The following CNTN5 variants were observed in gnomAD, a reference collection of about 807,000 sequenced individuals.
The protein encoded by CNTN5 is contactin 5, also known as contactin-5.
A neutral mutation model predicts 129.1 loss-of-function variants in CNTN5; 77 were observed. The ratio of observed to expected loss-of-function variants is 0.60; its 90% CI spans 0.50 to 0.72. The LOEUF (loss-of-function observed/expected upper bound fraction) is 0.72. CNTN5 is among the 30% of genes least tolerant of loss of function. The pLI, the probability that CNTN5 is intolerant of heterozygous loss-of-function variation, is 0.00. For missense variants in CNTN5, 1,478 were observed against 1,328.8 expected, an observed-to-expected ratio of 1.11 and a Z score of -1.75; for synonymous variants, 509 against 465.6, an observed-to-expected ratio of 1.09 and a Z score of -1.20.
intron 2 of CNTN5, among the ~76,000 whole-genome samples, chr11:99,416,776 G>A (rs575187833): frequency 6.6e-6 from 1 of 152,286 alleles, no homozygotes; most frequent in South Asian, 2.1e-4. Context: ...TTATAGGGTT[G>A]TGCTGGAAGG....
At chr11:99,259,147 G>T (rs1301080646) in intron 1 of CNTN5, among the ~76,000 whole-genome samples, 7 of 151,684 alleles carry the variant, frequency 4.6e-5, no homozygotes, top group Admixed American at 3.3e-4. Flanking sequence ...GTATGCATAA[G>T]GTATCATGTT....
At chr11:99,791,667 T>C (rs566596352) in intron 3 of CNTN5, among the ~76,000 whole-genome samples, 80 of 152,310 alleles carry the variant, frequency 5.3e-4, no homozygotes, top group Non-Finnish European at 8.8e-4. Context: ...TAATTGAAAG[T>C]TTGATACAGA....
chr11:100,039,438 A>T (rs554263079), intron 9 of CNTN5, among the ~76,000 whole-genome samples: 26 of 152,046 alleles, frequency 1.7e-4, no homozygotes, highest in South Asian at 4.2e-4. Flanking sequence ...AATCTGACAA[A>T]TATGTGTCTT....
chr11:99,298,621 G>C, intron 1 of CNTN5, among the ~76,000 whole-genome samples: 1 of 152,076 alleles, frequency 6.6e-6, no homozygotes, highest in Non-Finnish European at 1.5e-5. Flanking sequence ...TACCAAAGTT[G>C]TTATAATATA....
chr11:99,960,485 A>T (rs966087964), intron 8 of CNTN5, among the ~76,000 whole-genome samples: 1 of 152,180 alleles, frequency 6.6e-6, no homozygotes, highest in Admixed American at 6.5e-5. Flanking sequence ...TTAATATATA[A>T]TTATGACTTA....
chr11:99,865,412 A>G (rs1468121693), intron 6 of CNTN5, among the ~76,000 whole-genome samples: 2 of 151,922 alleles, frequency 1.3e-5, no homozygotes, highest in African/African-American at 4.8e-5. Context: ...TATTTTTAAA[A>G]TACTATGAAA....
chr11:99,106,806 G>A (rs1867019280), intron 1 of CNTN5, among the ~76,000 whole-genome samples: 1 of 152,040 alleles, frequency 6.6e-6, no homozygotes, highest in South Asian at 2.1e-4. Context: ...GTAGCACTGA[G>A]ATTGTAACAT....
At chr11:99,801,947 T>A (rs1946127030) in intron 3 of CNTN5, among the ~76,000 whole-genome samples, 1 of 152,202 alleles carries the variant, frequency 6.6e-6, no homozygotes, top group South Asian at 2.1e-4. Context: ...AGCATTCATA[T>A]TTTTTATGGT....
At chr11:99,966,613 A>C (rs565131057) in intron 8 of CNTN5, among the ~76,000 whole-genome samples, 26 of 152,326 alleles carry the variant, frequency 1.7e-4, no homozygotes, top group Admixed American at 7.2e-4. Flanking sequence ...AACTGGTTGC[A>C]CCTACATGAA....
chr11:100,031,919 G>A (rs937970117), intron 9 of CNTN5, among the ~76,000 whole-genome samples: 8 of 151,730 alleles, frequency 5.3e-5, no homozygotes, highest in African/African-American at 1.9e-4. Flanking sequence ...TGCATTGGTG[G>A]CACCACGGGA....
At chr11:99,789,218 C>T (rs1295807754) in intron 3 of CNTN5, among the ~76,000 whole-genome samples, 2 of 151,878 alleles carry the variant, frequency 1.3e-5, no homozygotes, top group African/African-American at 2.4e-5. Flanking sequence ...AATTTGTAGA[C>T]TTCCCATTTT....
chr11:99,257,203 T>C (rs1862413229), intron 1 of CNTN5, among the ~76,000 whole-genome samples: 1 of 152,134 alleles, frequency 6.6e-6, no homozygotes, highest in Non-Finnish European at 1.5e-5. Context: ...AAAACTCTAT[T>C]GTTTGCAGAG....
At chr11:99,594,678 T>G (rs1950073261) in intron 3 of CNTN5, among the ~76,000 whole-genome samples, 1 of 152,154 alleles carries the variant, frequency 6.6e-6, no homozygotes, top group Non-Finnish European at 1.5e-5. Flanking sequence ...AGCATCAGGT[T>G]TGCCCAGCAC....
At chr11:99,516,343 C>A (rs1019852489) in intron 2 of CNTN5, among the ~76,000 whole-genome samples, 13 of 152,028 alleles carry the variant, frequency 8.6e-5, no homozygotes, top group Non-Finnish European at 1.5e-4. Context: ...TTCCTAATAA[C>A]CTTGGGTAAT....
intron 2 of CNTN5, among the ~76,000 whole-genome samples, chr11:99,414,547 A>G (rs924247952): frequency 2.6e-5 from 4 of 152,288 alleles, no homozygotes; most frequent in Middle Eastern, 3.4e-3. Context: ...GAACAAATAC[A>G]TATACAGTAT....
At chr11:99,039,010 A>T (rs10892672) in intron 1 of CNTN5, among the ~76,000 whole-genome samples, 1 of 151,808 alleles carries the variant, frequency 6.6e-6, no homozygotes, top group Non-Finnish European at 1.5e-5. Flanking sequence ...CTAAAATGTC[A>T]TATTTCTGTA....
chr11:99,924,044 C>T (rs769931951), intron 7 of CNTN5, among the ~76,000 whole-genome samples: 13 of 152,130 alleles, frequency 8.5e-5, no homozygotes, highest in Non-Finnish European at 1.5e-4. Flanking sequence ...CCGGCTTCTG[C>T]GTCCCAAAGT....
intron 3 of CNTN5, among the ~76,000 whole-genome samples, chr11:99,632,688 T>G (rs1182837562): frequency 2.0e-5 from 3 of 151,872 alleles, no homozygotes; most frequent in African/African-American, 7.3e-5. Flanking sequence ...ACTGAATCAG[T>G]AGAGTCTAGA....
intron 3 of CNTN5, among the ~76,000 whole-genome samples, chr11:99,646,706 G>A (rs1951975044): frequency 6.7e-6 from 1 of 149,466 alleles, no homozygotes; most frequent in Middle Eastern, 3.2e-3. Flanking sequence ...TTGCCCATTA[G>A]TATATCTCAC....
Sources: gnomAD v4.1 joint callset for allele counts (sites outside exome capture counted in the v4.1 genomes callset) on GRCh38, gnomAD v4.1.1 for gene constraint, MANE v1.5 for transcripts, NCBI Gene and HGNC (gene_info 2026-07-23, HGNC 2026-07-21) for gene names.